Variants in CNBD2 observed in about 807,000 individuals in gnomAD.
CNBD2 encodes the protein cyclic nucleotide binding domain containing 2.
Under a neutral mutation model 63.7 loss-of-function variants are expected in CNBD2, and 64 were observed. The observed-to-expected ratio is 1.00, with a 90% CI of 0.82 to 1.24. The LOEUF is 1.24. CNBD2 is among the 50% of genes most tolerant of loss of function. The pLI is 0.00. For missense variants in CNBD2, 691 were observed against 713.5 expected (o/e 0.97, Z 0.36); for synonymous variants, 229 against 255.4 (o/e 0.90, Z 0.99).
chr20:36,017,454 G>A (rs192360403), intron 10 of CNBD2, among the ~76,000 whole-genome samples: 44 of 152,248 alleles, frequency 2.9e-4, no homozygotes, highest in African/African-American at 1.1e-3. Context: ...GGGCTGGGAA[G>A]GTCAGTCCAG....
intron 4 of CNBD2, among the ~76,000 whole-genome samples, 175 bp downstream of exon 4, chr20:35,980,797 G>A (rs2056588563): frequency 1.3e-5 from 2 of 152,070 alleles, no homozygotes; most frequent in South Asian, 2.1e-4. Context: ...CCTTTATCTC[G>A]CTCACTTATT....
intron 11 of CNBD2, 35 bp downstream of exon 11, chr20:36,023,806 T>A (rs754824280): frequency 2.0e-6 from 3 of 1,514,624 alleles, no homozygotes; most frequent in South Asian, 1.3e-5. Context: ...TCCCATCAGG[T>A]GAAATGAACA....
intron 10 of CNBD2, among the ~76,000 whole-genome samples, chr20:36,019,191 T>C (rs1018762573): frequency 6.6e-6 from 1 of 151,870 alleles, no homozygotes; most frequent in Non-Finnish European, 1.5e-5. Context: ...AAGTCTGCTG[T>C]GAGGAGGTGA....
intron 11 of CNBD2, among the ~76,000 whole-genome samples, chr20:36,029,592 G>A (rs2057320410): frequency 6.6e-6 from 1 of 152,202 alleles, no homozygotes; most frequent in African/African-American, 2.4e-5. Flanking sequence ...TGAGCGGGTG[G>A]CAGCTGGCTT....
At chr20:35,954,503 G>A (rs1347394733), upstream of CNBD2, 4 of 1,536,822 alleles carry the variant, frequency 2.6e-6, no homozygotes, top group Non-Finnish European at 3.5e-6. Context: ...GCTTCTCTGC[G>A]TCCAGGTCGG....
At chr20:35,981,552 C>T (rs1254563715) in intron 4 of CNBD2, among the ~76,000 whole-genome samples, 1 of 152,224 alleles carries the variant, frequency 6.6e-6, no homozygotes, top group Non-Finnish European at 1.5e-5. Context: ...CCTTCCACCT[C>T]GGCCTCCTTT....
At chr20:36,011,453 G>A (rs944552944) in intron 10 of CNBD2, among the ~76,000 whole-genome samples, 196 bp downstream of exon 10, 1 of 152,192 alleles carries the variant, frequency 6.6e-6, no homozygotes, top group African/African-American at 2.4e-5. Flanking sequence ...ATGAGAGGCC[G>A]AGGTGGGCAG....
chr20:36,005,497 C>T (rs1017868235), intron 8 of CNBD2, among the ~76,000 whole-genome samples: 7 of 152,104 alleles, frequency 4.6e-5, no homozygotes, highest in Non-Finnish European at 1.0e-4. Context: ...GGATTGGGGA[C>T]CCCTGAAATA....
chr20:35,989,983 G>A (rs1418689963), intron 7 of CNBD2, among the ~76,000 whole-genome samples: 1 of 151,726 alleles, frequency 6.6e-6, no homozygotes, highest in Non-Finnish European at 1.5e-5. Context: ...GAAAACAAGG[G>A]TAATACATAC....
chr20:36,029,218 G>T (rs2057315579), intron 11 of CNBD2, among the ~76,000 whole-genome samples: 1 of 152,100 alleles, frequency 6.6e-6, no homozygotes, highest in African/African-American at 2.4e-5. Flanking sequence ...CCCCCTCCTA[G>T]GTTTTGGTGA....
intron 7 of CNBD2, among the ~76,000 whole-genome samples, chr20:35,994,693 A>C (rs2056798597): frequency 6.6e-6 from 1 of 151,004 alleles, no homozygotes; most frequent in Non-Finnish European, 1.5e-5. Context: ...GTTCGAGACC[A>C]GCCTGGCCAA....
At chr20:35,973,149 TTAAG>T in intron 2 of CNBD2, 1 of 335,170 alleles carries the variant, frequency 3.0e-6, no homozygotes, top group Non-Finnish European at 5.4e-6. Context: ...ATCAAAGAGT[TTAAG>T]TCACTCCTCA....
intron 8 of CNBD2, among the ~76,000 whole-genome samples, chr20:35,997,767 G>A (rs1304877877): frequency 6.6e-6 from 1 of 152,174 alleles, no homozygotes; most frequent in Non-Finnish European, 1.5e-5. Context: ...AGAGTGAGAT[G>A]ATGTATGCAT....
Position 36,023,750 on chromosome 20 carries a change from AG to A in CNBD2, c.1419del (p.Lys473AsnfsTer86). 6.2e-7 allele frequency: 1 copy of A among 1,612,796 alleles called. No individual in the cohort carries two copies. Among genetic ancestry groups the A allele is most frequent in the Non-Finnish European group, 8.5e-7 (1 of 1,179,388 alleles). On this transcript the variant is annotated frameshift_variant, in exon 11 of 12. Coordinates refer to ENST00000373973, the MANE Select transcript of CNBD2 (RefSeq NM_001365709.1). LOFTEE classifies it low-confidence loss of function (END_TRUNC). The stretch of plus-strand genomic sequence containing the variant: ...GACGAGATGATAAAAAAGTTGTTAA[AG>A]CTCAATATTGCATTCCCCAGGTCAG... ...NDDEMIKKLLKLNIAFPSDED... is the reference protein window; with the variant it reads ...NDDEMIKKLLXLNIAFPSDED...
chr20:36,005,819 C>T (rs1339892397), intron 8 of CNBD2, among the ~76,000 whole-genome samples: 17 of 151,322 alleles, frequency 1.1e-4, no homozygotes, highest in African/African-American at 3.6e-4. Flanking sequence ...GGCATGGTGG[C>T]GGGCGCCTGT....
chr20:35,967,950 G>A (rs2056360281), upstream of CNBD2, among the ~76,000 whole-genome samples: 1 of 152,156 alleles, frequency 6.6e-6, no homozygotes, highest in Non-Finnish European at 1.5e-5. Context: ...GGAATTCAAG[G>A]GTGAGCCAGT....
At chr20:35,958,541 A>G (rs1207916799), downstream of CNBD2, among the ~76,000 whole-genome samples, 1 of 152,230 alleles carries the variant, frequency 6.6e-6, no homozygotes, top group Non-Finnish European at 1.5e-5. Flanking sequence ...CCTAATGGTA[A>G]CATCTTGCAT....
At chr20:36,002,001 C>T (rs1369128252) in intron 8 of CNBD2, among the ~76,000 whole-genome samples, 10 of 151,362 alleles carry the variant, frequency 6.6e-5, no homozygotes, top group South Asian at 4.2e-4. Flanking sequence ...GGGTGGCGGC[C>T]GGGCAGAGGC....
intron 8 of CNBD2, among the ~76,000 whole-genome samples, chr20:36,001,483 C>A (rs1434316886): frequency 1.4e-5 from 2 of 141,690 alleles, no homozygotes; most frequent in African/African-American, 2.7e-5. Context: ...GGCGGCTGGC[C>A]GGGCGGGGGG....
Sources: gnomAD v4.1 joint callset for allele counts (sites outside exome capture counted in the v4.1 genomes callset) on GRCh38, gnomAD v4.1.1 for gene constraint, MANE v1.5 for transcripts, NCBI Gene and HGNC (gene_info 2026-07-23, HGNC 2026-07-21) for gene names.